SLC35F1: variants seen among roughly 807,000 people sequenced by gnomAD.
The protein encoded by SLC35F1 is chromosome 6 open reading frame 169.
In SLC35F1, 14 loss-of-function variants were observed where a neutral mutation model predicts 48.7. That is an observed-to-expected ratio of 0.29 (90% confidence interval 0.19 to 0.45). The LOEUF is 0.45. Ranked by LOEUF, SLC35F1 falls within the 20% of genes least tolerant of loss-of-function variation. The pLI is 1.00. For missense variants in SLC35F1, 404 were observed against 500.0 expected (o/e 0.81, Z 1.83); for synonymous variants, 190 against 202.2 (o/e 0.94, Z 0.51).
rs35369666 is a variant in SLC35F1, at chr6:118,017,337, C to CTT, written c.173+109445_173+109446dup. Among the ~76,000 whole-genome samples the CTT allele has an allele frequency of 1.6e-4, 25 of 152,034 alleles. No homozygotes were observed. In the East Asian group the frequency reaches 3.9e-3, roughly 24 times the overall value. On this transcript the variant is annotated intron_variant, in intron 1 of 7. Coordinates refer to ENST00000360388, the MANE Select transcript of SLC35F1 (RefSeq NM_001029858.4). ...TTCTGCATTTCCCAAGACAGGAAAA[C>CTT]TTTTTTTTGTCCTTTTTTCACATGC...
chr6:118,255,273 G>A (rs1021978642), intron 3 of SLC35F1, among the ~76,000 whole-genome samples: 12 of 152,170 alleles, frequency 7.9e-5, no homozygotes, highest in African/African-American at 2.7e-4. Flanking sequence ...TTCCTCATCT[G>A]TAAAATGGGA....
chr6:118,076,323 T>A (rs1319486130), intron 1 of SLC35F1, among the ~76,000 whole-genome samples: 1 of 152,222 alleles, frequency 6.6e-6, no homozygotes, highest in Non-Finnish European at 1.5e-5. Flanking sequence ...TAGCTAATTG[T>A]TTCCAACATT....
At chr6:117,962,929 C>G (rs1776517189) in intron 1 of SLC35F1, among the ~76,000 whole-genome samples, 2 of 152,140 alleles carry the variant, frequency 1.3e-5, no homozygotes, top group African/African-American at 4.8e-5. Context: ...CATTGGGGCT[C>G]AGAGCCTCAT....
chr6:118,195,389 C>T (rs527459896), intron 2 of SLC35F1, among the ~76,000 whole-genome samples: 7 of 152,256 alleles, frequency 4.6e-5, no homozygotes, highest in Admixed American at 6.5e-5. Flanking sequence ...AGACTTTGCT[C>T]CTCCCTGGGT....
intron 2 of SLC35F1, among the ~76,000 whole-genome samples, chr6:118,183,372 G>A (rs1235173151): frequency 6.6e-6 from 1 of 152,092 alleles, no homozygotes; most frequent in Non-Finnish European, 1.5e-5. Flanking sequence ...GCTAAGACAT[G>A]CGTGGAAGAG....
At chr6:118,114,277 TTA>T (rs573908685) in intron 1 of SLC35F1, among the ~76,000 whole-genome samples, 200 of 152,306 alleles carry the variant, frequency 1.3e-3, no homozygotes, top group African/African-American at 4.7e-3. Context: ...ATCATCGCAA[TTA>T]TGTTTCATTT....
intron 7 of SLC35F1, among the ~76,000 whole-genome samples, chr6:118,309,513 C>G (rs1168217499): frequency 6.6e-6 from 1 of 152,200 alleles, no homozygotes; most frequent in Non-Finnish European, 1.5e-5. Flanking sequence ...CTCTAGGGAT[C>G]ACCCATGTTC....
chr6:118,176,692 G>T (rs993084818), intron 2 of SLC35F1, among the ~76,000 whole-genome samples: 1 of 152,032 alleles, frequency 6.6e-6, no homozygotes, highest in Non-Finnish European at 1.5e-5. Flanking sequence ...CAAAGCTAAC[G>T]TAGCTAAGCC....
Position 117,907,815 on chromosome 6 carries a change from CG to C in SLC35F1, c.91del (p.Ala31ProfsTer26). 1 of 1,550,170 alleles carries C rather than the reference CG, an allele frequency of 6.5e-7. No homozygotes were observed. Among genetic ancestry groups the C allele is most frequent in the Admixed American group, 1.8e-5 (1 of 54,290 alleles). Reference protein sequence around the residue: ...NHVVTTIENLPAEGSGGGGSL... With the variant: ...NHVVTTIENLXAEGSGGGGSL... Reference sequence around the variant, plus strand: ...GTGGTGACCACCATCGAGAACCTGCCGGCCGAGGGCAGCGGCGGCGGCGGGA... The same window carrying C: ...GTGGTGACCACCATCGAGAACCTGCCGCCGAGGGCAGCGGCGGCGGCGGGA... On this transcript the variant is annotated frameshift_variant, in exon 1 of 8. Transcript: ENST00000360388. LOFTEE classifies it high-confidence loss of function.
intron 1 of SLC35F1, among the ~76,000 whole-genome samples, chr6:118,142,297 T>C (rs2114445250): frequency 6.6e-6 from 1 of 152,300 alleles, no homozygotes; most frequent in East Asian, 1.9e-4. Context: ...CACAACATGA[T>C]GCTACTACAT....
chr6:118,083,011 G>A lies in SLC35F1; in HGVS notation c.174-71434G>A, dbSNP rs993398333. The stretch of plus-strand genomic sequence containing the variant: ...AGTGGCTCCTCAAAGGGGGAATGGG[G>A]AAAAAACTGCTAGGCAGAGAAAAAC... On this transcript the variant is annotated intron_variant, in intron 1 of 7. Transcript: ENST00000360388. Among the ~76,000 whole-genome samples the A allele has an allele frequency of 3.3e-5, 5 of 152,076 alleles. No individual in the cohort carries two copies. The East Asian group carries it at 5.8e-4, about 18-fold the overall frequency.
chr6:117,996,137 C>G (rs991229243), intron 1 of SLC35F1, among the ~76,000 whole-genome samples: 1 of 151,948 alleles, frequency 6.6e-6, no homozygotes, highest in Admixed American at 6.6e-5. Flanking sequence ...TTCTGAAATA[C>G]CCACATTTAA....
At chr6:118,074,714 A>T (rs1772792455) in intron 1 of SLC35F1, among the ~76,000 whole-genome samples, 2 of 152,198 alleles carry the variant, frequency 1.3e-5, no homozygotes, top group Admixed American at 1.3e-4. Flanking sequence ...CAGTGGCATG[A>T]TCACAACTCA....
rs1243377545 is a variant in SLC35F1 at position 117,907,549 on chromosome 6, G to A, written c.-178G>A. On this transcript the variant is annotated 5_prime_UTR_variant, in exon 1 of 8. Coordinates refer to ENST00000360388, the MANE Select transcript of SLC35F1 (RefSeq NM_001029858.4). ...CTGGGACTGGAGAGGAGTGAGTGGC[G>A]GGCTGGGCGGCGGCGGCCGTAGCCG... is the stretch of plus-strand genomic sequence containing the variant. 4 of 364,678 alleles carry A rather than the reference G, an allele frequency of 1.1e-5. No individual in the cohort carries two copies. Among genetic ancestry groups the A allele is most frequent in the African/African-American group, 4.3e-5 (2 of 46,072 alleles). 22.6% of individuals were successfully genotyped at this position (364,678 alleles called of 1,614,324 possible).
chr6:118,019,635 A>G (rs1777368297), intron 1 of SLC35F1, among the ~76,000 whole-genome samples: 1 of 152,198 alleles, frequency 6.6e-6, no homozygotes. Context: ...AAAAAAAAGA[A>G]ATGGGTAGTT....
chr6:118,263,905 T>G (rs778683529), intron 3 of SLC35F1, among the ~76,000 whole-genome samples: 3 of 152,232 alleles, frequency 2.0e-5, no homozygotes, highest in African/African-American at 7.2e-5. Flanking sequence ...ACAGTTTCTC[T>G]TCAACAGTTA....
chr6:118,092,677 T>A (rs1295589588), intron 1 of SLC35F1, among the ~76,000 whole-genome samples: 3 of 152,182 alleles, frequency 2.0e-5, no homozygotes, highest in Non-Finnish European at 4.4e-5. Context: ...CCCGAGGCCA[T>A]GAGAGCCCAC....
chr6:118,245,970 A>G (rs1427584990), intron 3 of SLC35F1, among the ~76,000 whole-genome samples: 2 of 152,048 alleles, frequency 1.3e-5, no homozygotes, highest in Admixed American at 6.6e-5. Flanking sequence ...TCCTCTTTGC[A>G]CAATCAGTGG....
At chr6:117,952,479 C>A (rs1371016324) in intron 1 of SLC35F1, among the ~76,000 whole-genome samples, 2 of 152,108 alleles carry the variant, frequency 1.3e-5, no homozygotes, top group Admixed American at 6.6e-5. Flanking sequence ...GAGGATTTTT[C>A]TTTTTCTTAA....
Sources: allele counts gnomAD v4.1 joint callset (sites outside exome capture counted in the v4.1 genomes callset), GRCh38; gene constraint gnomAD v4.1.1; transcripts MANE v1.5; gene names NCBI Gene and HGNC (gene_info 2026-07-23, HGNC 2026-07-21).